GLT8D2: variants seen among roughly 807,000 people sequenced by gnomAD.
GLT8D2 encodes the protein glycosyltransferase 8 domain-containing protein 2.
GLT8D2 carries 45 observed loss-of-function variants against 44.5 expected under a neutral mutation model. The observed-to-expected ratio is 1.01, with a 90% confidence interval of 0.80 to 1.30. The LOEUF (loss-of-function observed/expected upper bound fraction) is 1.30. Among genes scored for constraint, GLT8D2 ranks in the 50% most tolerant of loss-of-function variants. The pLI, the probability that GLT8D2 is intolerant of heterozygous loss-of-function variation, is 0.00. For synonymous variants in GLT8D2, 156 were observed against 157.2 expected (o/e 0.99, Z 0.06); for missense variants, 400 against 430.4 (o/e 0.93, Z 0.62).
chr12:104,010,081 G>A (rs1875620897), intron 4 of GLT8D2, among the ~76,000 whole-genome samples: 1 of 152,138 alleles, frequency 6.6e-6, no homozygotes, highest in Admixed American at 6.5e-5. Context: ...TCTTATGGAG[G>A]TATCATGTGA....
chr12:104,057,479 C>T lies in GLT8D2; in HGVS notation c.-423+6470G>A, dbSNP rs116997538. 6.6e-3 allele frequency among the ~76,000 whole-genome samples: 999 copies of T among 151,972 alleles called. 7 individuals carry two copies. Among genetic ancestry groups the T allele is most frequent in the Non-Finnish European group, 9.1e-3 (620 of 67,974 alleles). On this transcript the variant is annotated intron_variant, in intron 1 of 10. Coordinates refer to the GLT8D2 transcript ENST00000548660. ...AAGGTTGTGGTGAGCTGTGATCATG[C>T]CACTGTACTTCAGCTCAGGTGACAA...
chr12:104,021,466 C>T lies in GLT8D2; in HGVS notation c.-138G>A, dbSNP rs11553764. The T allele has an allele frequency of 0.13, 20,340 of 152,524 alleles. 1,665 individuals are homozygous for T. Among genetic ancestry groups the T allele is most frequent in the South Asian group, 0.22 (1,067 of 4,812 alleles). 9.4% of individuals were successfully genotyped at this position (152,524 alleles called of 1,614,324 possible). A position where few individuals can be genotyped will look rare whatever the true frequency, so the allele number is the denominator to read the frequency against. On this transcript the variant is annotated 5_prime_UTR_variant, in exon 2 of 11. It adds an upstream start codon to the 5' untranslated region. Transcript: ENST00000360814. Reference sequence around the variant, plus strand: ...CTCTGCACCTTCTAACCTCAGCCCACCTCCACGCTGCTCTTCCCACAGGAC... The same window carrying T: ...CTCTGCACCTTCTAACCTCAGCCCATCTCCACGCTGCTCTTCCCACAGGAC...
At chr12:104,001,623 C>T (rs1012411302) in intron 5 of GLT8D2, among the ~76,000 whole-genome samples, 36 of 152,172 alleles carry the variant, frequency 2.4e-4, no homozygotes, top group African/African-American at 8.2e-4. Context: ...TTTTTATTTT[C>T]ATTTTCAACA....
chr12:104,008,514 A>G (rs1875381053), intron 4 of GLT8D2, among the ~76,000 whole-genome samples: 1 of 152,228 alleles, frequency 6.6e-6, no homozygotes, highest in African/African-American at 2.4e-5. Flanking sequence ...GAAGCAGAGC[A>G]TAAGAGTTCA....
At chr12:104,038,310 G>A (rs1880141101) in intron 1 of GLT8D2, among the ~76,000 whole-genome samples, 1 of 152,202 alleles carries the variant, frequency 6.6e-6, no homozygotes, top group Admixed American at 6.5e-5. Flanking sequence ...TCAGGCAGGA[G>A]AAAGAAATAA....
chr12:104,007,760 A>G (rs1875271056), intron 4 of GLT8D2, among the ~76,000 whole-genome samples: 2 of 152,196 alleles, frequency 1.3e-5, no homozygotes, highest in Admixed American at 1.3e-4. Context: ...CTCATCATGA[A>G]TTATACTCCC....
At chr12:104,017,891 T>G (rs1877093253) in intron 3 of GLT8D2, among the ~76,000 whole-genome samples, 1 of 152,208 alleles carries the variant, frequency 6.6e-6, no homozygotes, top group South Asian at 2.1e-4. Flanking sequence ...CGCACTACTG[T>G]TTTGAGAGTT....
chr12:104,000,823 A>G (rs944687712), intron 5 of GLT8D2, among the ~76,000 whole-genome samples: 1 of 152,214 alleles, frequency 6.6e-6, no homozygotes, highest in Non-Finnish European at 1.5e-5. Flanking sequence ...CATACACAAG[A>G]CATCAAAACC....
At position 103,990,676 on chromosome 12, in the gene GLT8D2, G is replaced by C. The variant is rs1388874818; in HGVS notation, c.881-1099C>G. Among the ~76,000 whole-genome samples, 6 of 152,182 alleles carry C rather than the reference G, an allele frequency of 3.9e-5. 1 individual carries two copies. Among genetic ancestry groups the C allele is most frequent in the Admixed American group, 3.9e-4 (6 of 15,276 alleles). ...TTAACAACAACACAACCTGGCTTCT[G>C]TTACTAATAAACATAGCTGTGACGG... is the stretch of plus-strand genomic sequence containing the variant. On this transcript the variant is annotated intron_variant, in intron 10 of 10. Transcript: ENST00000360814.
chr12:104,059,013 G>T (rs968176042), intron 1 of GLT8D2, among the ~76,000 whole-genome samples: 1 of 152,180 alleles, frequency 6.6e-6, no homozygotes, highest in Admixed American at 6.5e-5. Flanking sequence ...TCCCAGGCAG[G>T]TAAGAGCGGG....
At chr12:104,005,689 T>C (rs925920899) in intron 4 of GLT8D2, among the ~76,000 whole-genome samples, 3 of 152,106 alleles carry the variant, frequency 2.0e-5, no homozygotes, top group African/African-American at 7.2e-5. Context: ...TGAGATACCA[T>C]CTCACACCAG....
chr12:104,005,933 C>T (rs187210721), intron 4 of GLT8D2, among the ~76,000 whole-genome samples: 3 of 152,268 alleles, frequency 2.0e-5, no homozygotes, highest in East Asian at 1.9e-4. Context: ...CACATGCACA[C>T]GTATGTTTAC....
Position 104,021,882 on chromosome 12 carries a change from GAAGAAGAA to G in GLT8D2, c.-163-399_-163-392del. ...GGAGAAGAAGAAAGAAGAAGAAGAA[GAAGAAGAA>G]GAAGAAGAAGAAGAAGAAGAAGAAG... is the stretch of plus-strand genomic sequence containing the variant. On this transcript the variant is annotated intron_variant, in intron 1 of 10. Coordinates refer to ENST00000360814, the MANE Select transcript of GLT8D2 (RefSeq NM_001384711.1). Among the ~76,000 whole-genome samples, 4 of 7,590 alleles carry G rather than the reference GAAGAAGAA, an allele frequency of 5.3e-4. No homozygotes were observed. The Admixed American group carries it at 7.1e-3, about 14-fold the overall frequency. 5.0% of individuals were successfully genotyped at this position (7,590 alleles called of 152,430 possible). A position where few individuals can be genotyped will look rare whatever the true frequency, so the allele number is the denominator to read the frequency against.
intron 1 of GLT8D2, among the ~76,000 whole-genome samples, chr12:104,039,926 G>A (rs1454708605): frequency 1.3e-5 from 2 of 152,194 alleles, no homozygotes; most frequent in Non-Finnish European, 2.9e-5. Flanking sequence ...ACTGAATTAA[G>A]AAAATGTGGC....
intron 1 of GLT8D2, among the ~76,000 whole-genome samples, chr12:104,027,070 AT>A (rs1199127069): frequency 6.6e-6 from 1 of 152,214 alleles, no homozygotes; most frequent in East Asian, 1.9e-4. Context: ...TTCAACAGAG[AT>A]TTGATTCAAC....
At chr12:104,030,846 G>C (rs1488659329) in intron 1 of GLT8D2, 1 of 1,589,218 alleles carries the variant, frequency 6.3e-7, no homozygotes, top group Non-Finnish European at 8.6e-7. Flanking sequence ...AACCGCTTCA[G>C]CGGCTGGTAC....
At chr12:104,031,450 G>T in intron 1 of GLT8D2, 1 of 1,613,002 alleles carries the variant, frequency 6.2e-7, no homozygotes, top group Non-Finnish European at 8.5e-7. Context: ...ACAAGAACTT[G>T]AAGCCTATCA....
Position 104,015,111 on chromosome 12 carries a change from A to G in GLT8D2, c.20-6T>C. The stretch of plus-strand genomic sequence containing the variant: ...GAACAGCAGCACCTGATTAACTGAA[A>G]TAGAAATGGAAACACATTAACATTG... On this transcript the variant is annotated splice_polypyrimidine_tract_variant and splice_region_variant and intron_variant, in intron 3 of 10. Coordinates refer to ENST00000360814, the MANE Select transcript of GLT8D2 (RefSeq NM_001384711.1). The G allele has an allele frequency of 6.2e-7, 1 of 1,605,172 alleles. No homozygotes were observed. The highest frequency in any genetic ancestry group is 8.5e-7 in the Non-Finnish European group (1 of 1,172,332).
At chr12:104,017,882 G>A (rs1399767731) in intron 3 of GLT8D2, among the ~76,000 whole-genome samples, 2 of 152,084 alleles carry the variant, frequency 1.3e-5, no homozygotes, top group Non-Finnish European at 2.9e-5. Context: ...GCATTACCTC[G>A]CACTACTGTT....
Sources: allele counts gnomAD v4.1 joint callset (sites outside exome capture counted in the v4.1 genomes callset), GRCh38; gene constraint gnomAD v4.1.1; transcripts MANE v1.5; gene names NCBI Gene and HGNC (gene_info 2026-07-23, HGNC 2026-07-21).